Variants in TSPAN18 observed in about 807,000 individuals in gnomAD.
TSPAN18 encodes the protein tetraspanin-18.
TSPAN18 carries 14 observed loss-of-function variants against 27.3 expected under a neutral mutation model. The observed-to-expected ratio is 0.51, with a 90% CI of 0.34 to 0.80. The LOEUF (loss-of-function observed/expected upper bound fraction) is 0.80. Among genes scored for constraint, TSPAN18 ranks in the 30% least tolerant of loss-of-function variants. The pLI, the probability that TSPAN18 is intolerant of heterozygous loss-of-function variation, is 0.01. For synonymous variants in TSPAN18, 143 were observed against 136.5 expected (o/e 1.05, Z -0.33); for missense variants, 268 against 323.9 (o/e 0.83, Z 1.32).
chr11:44,733,764 C>T (rs1303553456), intron 1 of TSPAN18, among the ~76,000 whole-genome samples: 1 of 152,182 alleles, frequency 6.6e-6, no homozygotes, highest in Admixed American at 6.5e-5. Flanking sequence ...TGCCGTGCAG[C>T]CAAGCTTCGG....
intron 3 of TSPAN18, among the ~76,000 whole-genome samples, chr11:44,880,027 G>A (rs187997494): frequency 6.6e-6 from 1 of 152,328 alleles, no homozygotes; most frequent in Non-Finnish European, 1.5e-5. Context: ...AGGAGGCGAC[G>A]CTGGGGGGAG....
At chr11:44,783,757 T>A (rs2076784364) in intron 2 of TSPAN18, among the ~76,000 whole-genome samples, 1 of 152,222 alleles carries the variant, frequency 6.6e-6, no homozygotes, top group African/African-American at 2.4e-5. Flanking sequence ...TGTGTGGTCC[T>A]ACAAATCCCG....
At chr11:44,736,540 C>A (rs1017284503) in intron 1 of TSPAN18, 2 of 152,188 alleles carry the variant, frequency 1.3e-5, no homozygotes, top group Non-Finnish European at 2.9e-5. Context: ...ATTTGGGCTT[C>A]TCTCCCCAGG....
intron 2 of TSPAN18, among the ~76,000 whole-genome samples, chr11:44,814,351 A>C (rs1431656090): frequency 6.6e-6 from 1 of 152,162 alleles, no homozygotes; most frequent in Non-Finnish European, 1.5e-5. Context: ...CAATGAAGAC[A>C]CGTGGCTCCA....
rs117385560 is a variant in TSPAN18, at chr11:44,915,905, G to A, written c.259-2067G>A. On this transcript the variant is annotated intron_variant, in intron 5 of 9. Coordinates refer to ENST00000520358, the MANE Select transcript of TSPAN18 (RefSeq NM_130783.5). ...CCCTGTGAGAGCAGAAGCCTGTGTCGGAGCAGCTGGAGCCCAGTGAGACCT... is the reference window on the plus strand; with the variant it reads ...CCCTGTGAGAGCAGAAGCCTGTGTCAGAGCAGCTGGAGCCCAGTGAGACCT... Among the ~76,000 whole-genome samples, 47 of 152,304 alleles carry A rather than the reference G, an allele frequency of 3.1e-4. 1 individual carries two copies. The East Asian group carries it at 8.5e-3, about 28-fold the overall frequency.
chr11:44,845,948 G>A (rs4755902), intron 2 of TSPAN18, among the ~76,000 whole-genome samples: 28,177 of 152,232 alleles, frequency 0.19, 3,508 homozygotes, highest in Non-Finnish European at 0.28. Flanking sequence ...ATCAGCTTGG[G>A]GACCTTATGA....
intron 5 of TSPAN18, among the ~76,000 whole-genome samples, chr11:44,916,488 A>T (rs1859914544): frequency 6.6e-6 from 1 of 152,272 alleles, no homozygotes; most frequent in African/African-American, 2.4e-5. Flanking sequence ...ATGAGAGCCC[A>T]ATGCCAAGCT....
intron 2 of TSPAN18, among the ~76,000 whole-genome samples, chr11:44,777,707 A>C (rs942921583): frequency 3.9e-5 from 6 of 152,160 alleles, no homozygotes; most frequent in Admixed American, 6.5e-5. Flanking sequence ...CCCACTGTTA[A>C]TAGATCACAC....
chr11:44,790,348 G>GGT (rs369409654), intron 2 of TSPAN18, among the ~76,000 whole-genome samples: 2 of 144,534 alleles, frequency 1.4e-5, no homozygotes, highest in Non-Finnish European at 3.0e-5. Flanking sequence ...TGCATGTGTT[G>GGT]GTGTGTGTGG....
chr11:44,886,389 G>A (rs935977825), intron 3 of TSPAN18: 3 of 152,174 alleles, frequency 2.0e-5, no homozygotes, highest in African/African-American at 7.2e-5. Context: ...AATCAAATGC[G>A]CGCCACTTAG....
chr11:44,869,266 A>C (rs1006706267), intron 3 of TSPAN18, among the ~76,000 whole-genome samples: 6 of 152,274 alleles, frequency 3.9e-5, no homozygotes, highest in Non-Finnish European at 7.3e-5. Context: ...CAACCAAGAG[A>C]GCGTTCAGAC....
At chr11:44,864,451 G>A (rs1230739096) in intron 3 of TSPAN18, among the ~76,000 whole-genome samples, 2 of 152,144 alleles carry the variant, frequency 1.3e-5, no homozygotes, top group African/African-American at 4.8e-5. Flanking sequence ...TGAGAGGCAC[G>A]TGGGGTCCTA....
chr11:44,818,748 T>C (rs1200481360), intron 2 of TSPAN18, among the ~76,000 whole-genome samples: 1 of 152,160 alleles, frequency 6.6e-6, no homozygotes, highest in Non-Finnish European at 1.5e-5. Context: ...AGGCCCTACA[T>C]AGCAATAGTT....
chr11:44,918,878 G>A (rs1004591603), intron 6 of TSPAN18, among the ~76,000 whole-genome samples: 4 of 151,856 alleles, frequency 2.6e-5, no homozygotes, highest in African/African-American at 9.7e-5. Flanking sequence ...GCTCTGTCTG[G>A]GGAACAGCTC....
intron 3 of TSPAN18, among the ~76,000 whole-genome samples, chr11:44,879,845 G>A (rs10838374): frequency 0.2 from 30,067 of 152,224 alleles, 3,380 homozygotes; most frequent in East Asian, 0.25. Context: ...ACGAAGAAGC[G>A]TGTCCCGTTG....
chr11:44,864,302 A>AC (rs1359999732), intron 3 of TSPAN18, among the ~76,000 whole-genome samples: 1 of 151,384 alleles, frequency 6.6e-6, no homozygotes, highest in African/African-American at 2.4e-5. Context: ...AAAAAAAAAA[A>AC]AAAACTTGGT....
At chr11:44,730,552 C>T (rs1458974285) in intron 1 of TSPAN18, among the ~76,000 whole-genome samples, 2 of 151,932 alleles carry the variant, frequency 1.3e-5, no homozygotes, top group Non-Finnish European at 2.9e-5. Context: ...TGGGCTCCTC[C>T]TGCCACCCGG....
At chr11:44,871,296 G>C (rs576803495) in intron 3 of TSPAN18, among the ~76,000 whole-genome samples, 1 of 152,192 alleles carries the variant, frequency 6.6e-6, no homozygotes, top group South Asian at 2.1e-4. Flanking sequence ...GGCCATCTTC[G>C]CCTTGTATCT....
intron 8 of TSPAN18, among the ~76,000 whole-genome samples, chr11:44,925,983 C>G (rs1198735644): frequency 6.6e-6 from 1 of 152,130 alleles, no homozygotes; most frequent in Non-Finnish European, 1.5e-5. Flanking sequence ...CGATCTCGAT[C>G]TCTGTCTCTG....
Sources: gnomAD v4.1 joint callset for allele counts (sites outside exome capture counted in the v4.1 genomes callset) on GRCh38, gnomAD v4.1.1 for gene constraint, MANE v1.5 for transcripts, NCBI Gene and HGNC (gene_info 2026-07-23, HGNC 2026-07-21) for gene names.